SIRT2: variants seen among roughly 807,000 people sequenced by gnomAD.
SIRT2 encodes NAD-dependent protein deacetylase sirtuin-2.
A neutral mutation model predicts 57.4 loss-of-function variants in SIRT2; 40 were observed. The observed-to-expected ratio is 0.70, with a 90% CI of 0.54 to 0.91. SIRT2 has a LOEUF of 0.91. SIRT2 is among the 40% of genes least tolerant of loss of function. The pLI is 0.00. For synonymous variants in SIRT2, 161 were observed against 195.7 expected, an observed-to-expected ratio of 0.82 and a Z score of 1.48; for missense variants, 439 against 510.4, an observed-to-expected ratio of 0.86 and a Z score of 1.35.
At position 38,881,291 on chromosome 19, in the gene SIRT2, C is replaced by T; in HGVS notation, c.692-136G>A. Reference sequence around the variant, plus strand: ...ACCGGCCAGGGGCACAGACCCCATTCTCCCCAGGATGGATCTGGGGCACTG... The same window carrying T: ...ACCGGCCAGGGGCACAGACCCCATTTTCCCCAGGATGGATCTGGGGCACTG... On this transcript the variant is annotated intron_variant, in intron 10 of 15. Coordinates refer to ENST00000249396, the MANE Select transcript of SIRT2 (RefSeq NM_012237.4). 9.6e-6 allele frequency: 11 copies of T among 1,147,182 alleles called. No homozygotes were observed. In the South Asian group the frequency reaches 1.5e-4, roughly 16 times the overall value. The allele number at this position is 1,147,182 out of a possible 1,614,324, so 71.1% of individuals were successfully genotyped here. A position where few individuals can be genotyped will look rare whatever the true frequency, so the allele number is the denominator to read the frequency against.
chr19:38,883,176 G>A (rs1973212271), intron 9 of SIRT2, among the ~76,000 whole-genome samples: 1 of 151,016 alleles, frequency 6.6e-6, no homozygotes, highest in Non-Finnish European at 1.5e-5. Context: ...CGCCTCCCAG[G>A]TTCAAGCGAT....
At chr19:38,879,789 A>G in intron 13 of SIRT2, 87 bp from the exon 14 acceptor site, 1 of 922,928 alleles carries the variant, frequency 1.1e-6, no homozygotes, top group Non-Finnish European at 1.7e-6. Context: ...CTGGGTTTGT[A>G]TCCTAGCTCT....
intron 7 of SIRT2, chr19:38,889,456 C>A (rs953518551): frequency 3.0e-6 from 2 of 662,614 alleles, no homozygotes; most frequent in African/African-American, 1.8e-5. Flanking sequence ...CTAAGCCTCG[C>A]AGCAGCCCTC....
At position 38,878,656 on chromosome 19, in the gene SIRT2, C is replaced by A. The variant is rs1450236819; in HGVS notation, c.*499G>T. ...GTCCCACGTGAAGGGGGCCCACCAC[C>A]CACTTTGGGAGCTGAAGGCAGAGAC... On this transcript the variant is annotated 3_prime_UTR_variant, in exon 16 of 16. Transcript: ENST00000249396. 6.5e-6 allele frequency: 1 copy of A among 153,488 alleles called. No homozygotes were observed. The highest frequency in any genetic ancestry group is 1.4e-5 in the Non-Finnish European group (1 of 68,966). 9.5% of individuals were successfully genotyped at this position (153,488 alleles called of 1,614,324 possible).
In SIRT2 at chr19:38,884,599, C is replaced by A. The variant is rs553976071; in HGVS notation, c.502-843G>T. Among the ~76,000 whole-genome samples, 30 of 152,268 alleles carry A rather than the reference C, an allele frequency of 2.0e-4. No individual in the cohort carries two copies. In the South Asian group the frequency reaches 2.1e-3, roughly 11 times the overall value. On this transcript the variant is annotated intron_variant, in intron 8 of 15. Coordinates refer to ENST00000249396, the MANE Select transcript of SIRT2 (RefSeq NM_012237.4). ...AAGTAGCTGGGATTACAGGCACGCA[C>A]CACCATGACTGGCTAATTTTTGTAT...
intron 9 of SIRT2, among the ~76,000 whole-genome samples, chr19:38,882,619 G>A (rs1973190405): frequency 1.3e-5 from 2 of 149,184 alleles, no homozygotes; most frequent in Non-Finnish European, 3.0e-5. Flanking sequence ...CTGGGTGACA[G>A]AGCAAGACTC....
Position 38,880,742 on chromosome 19 carries a change from G to A in SIRT2, c.825-6C>T. The A allele has an allele frequency of 6.2e-7, 1 of 1,608,802 alleles. No individual in the cohort carries two copies. Among genetic ancestry groups the A allele is most frequent in the Non-Finnish European group, 8.5e-7 (1 of 1,176,134 alleles). ...GAGGGGTGGAGAGGGGTGCCCTGTG[G>A]GGAGGGGGAGCTAAGGGGTCAGGGT... is the stretch of plus-strand genomic sequence containing the variant. On this transcript the variant is annotated splice_polypyrimidine_tract_variant and splice_region_variant and intron_variant, in intron 12 of 15. Transcript: ENST00000249396. This position sits in a 1 kb window ranked among gnomAD's most constrained non-coding sequence, Gnocchi z 4.1.
Position 38,879,093 on chromosome 19 carries a change from AG to A in SIRT2, c.*61del. On this transcript the variant is annotated 3_prime_UTR_variant, in exon 16 of 16. Coordinates refer to ENST00000249396, the MANE Select transcript of SIRT2 (RefSeq NM_012237.4). ...AAGAACTGCTGGTTAAGAGGGGGCC[AG>A]GCCCGGTTGGGGCTCAGCTGTCCCT... 2.0e-6 allele frequency: 3 copies of A among 1,494,796 alleles called. No individual in the cohort carries two copies. In the South Asian group the frequency reaches 4.2e-5, roughly 21 times the overall value. The allele number at this position is 1,494,796 out of a possible 1,614,324, so 92.6% of individuals were successfully genotyped here. A position where few individuals can be genotyped will look rare whatever the true frequency, so the allele number is the denominator to read the frequency against.
chr19:38,898,426 C>A lies in SIRT2; in HGVS notation c.17-1G>T. 6.5e-7 allele frequency: 1 copy of A among 1,533,914 alleles called. No individual in the cohort carries two copies. The highest frequency in any genetic ancestry group is 1.2e-5 in the South Asian group (1 of 80,286). ...GCCTGGGTCTCCAGAGGGTGAGAGG[C>A]TGGGGGAGGGGAGCAGAGGTGGTTA... On this transcript the variant is annotated splice_acceptor_variant, in intron 1 of 15. Coordinates refer to ENST00000249396, the MANE Select transcript of SIRT2 (RefSeq NM_012237.4). LOFTEE classifies it high-confidence loss of function.
At position 38,879,431 on chromosome 19, in the gene SIRT2, C is replaced by T; in HGVS notation, c.1014+3G>A. ...GACAGGCTGGGGTTGCTCAGCTCCT[C>T]ACCTTCCATCCAAGGAGCTCAGCAA... On this transcript the variant is annotated splice_donor_region_variant and intron_variant, in intron 15 of 15. Transcript: ENST00000249396. 2 of 1,591,672 alleles carry T rather than the reference C, an allele frequency of 1.3e-6. No homozygotes were observed. Among genetic ancestry groups the T allele is most frequent in the Non-Finnish European group, 8.6e-7 (1 of 1,168,864 alleles).
intron 2 of SIRT2, among the ~76,000 whole-genome samples, chr19:38,897,535 T>G (rs1319400183): frequency 6.6e-6 from 1 of 152,132 alleles, no homozygotes; most frequent in Non-Finnish European, 1.5e-5. Flanking sequence ...TCCTTTTTTT[T>G]TTTTTGAGAC....
In SIRT2 at chr19:38,878,994, G is replaced by T. The variant is rs949744769; in HGVS notation, c.*161C>A. On this transcript the variant is annotated 3_prime_UTR_variant, in exon 16 of 16. Transcript: ENST00000249396. Reference sequence around the variant, plus strand: ...GTGTTAGAGATTTGCTGGGGTTGGGGGCCAGGGTTGCTGGGACCCCAGTTT... The same window carrying T: ...GTGTTAGAGATTTGCTGGGGTTGGGTGCCAGGGTTGCTGGGACCCCAGTTT... 5 of 676,088 alleles carry T rather than the reference G, an allele frequency of 7.4e-6. No individual in the cohort carries two copies. The African/African-American group carries it at 9.2e-5, about 12-fold the overall frequency. The allele number at this position is 676,088 out of a possible 1,614,324, so 41.9% of individuals were successfully genotyped here. A position where few individuals can be genotyped will look rare whatever the true frequency, so the allele number is the denominator to read the frequency against.
chr19:38,888,101 T>C, intron 8 of SIRT2, among the ~76,000 whole-genome samples: 1 of 152,104 alleles, frequency 6.6e-6, no homozygotes, highest in Non-Finnish European at 1.5e-5. Context: ...GAGCTTGAAT[T>C]AATACTGTTG....
At position 38,880,786 on chromosome 19, in the gene SIRT2, C is replaced by T; in HGVS notation, c.824+35G>A. ...TCAGGGTCTGTCCTGGCCCTGGGTG[C>T]CCAGCCGTCCTCCCAGCCACAGCCC... On this transcript the variant is annotated intron_variant, in intron 12 of 15. Coordinates refer to ENST00000249396, the MANE Select transcript of SIRT2 (RefSeq NM_012237.4). This position sits in a 1 kb window ranked among gnomAD's most constrained non-coding sequence, Gnocchi z 4.1. 1 of 1,611,946 alleles carries T rather than the reference C, an allele frequency of 6.2e-7. No individual in the cohort carries two copies. Among genetic ancestry groups the T allele is most frequent in the East Asian group, 2.2e-5 (1 of 44,874 alleles).
At chr19:38,889,357 G>A in intron 7 of SIRT2, 5 of 718,580 alleles carry the variant, frequency 7.0e-6, no homozygotes, top group Admixed American at 2.0e-5. Context: ...TGTTGCCAAA[G>A]TCACACGGTG....
intron 9 of SIRT2, among the ~76,000 whole-genome samples, chr19:38,881,928 A>G (rs1451171600): frequency 6.9e-6 from 1 of 144,250 alleles, no homozygotes; most frequent in African/African-American, 2.6e-5. Context: ...GCTCAAGCAA[A>G]TCTGCCCACT....
intron 8 of SIRT2, among the ~76,000 whole-genome samples, chr19:38,885,855 C>T (rs1011136984): frequency 1.3e-5 from 2 of 152,100 alleles, no homozygotes; most frequent in African/African-American, 4.8e-5. Context: ...TCCCAAAGTG[C>T]TGGGATTACA....
Position 38,880,905 on chromosome 19 carries a change from G to T in SIRT2, c.748-8C>A. 6.2e-7 allele frequency: 1 copy of T among 1,612,942 alleles called. No individual in the cohort carries two copies. Among genetic ancestry groups the T allele is most frequent in the South Asian group, 1.1e-5 (1 of 91,038 alleles). ...GTCCACCTTCAGGAAGTCCTGCGGG[G>T]AGGGGCGTGAGCTTGGGAGCCTCCG... On this transcript the variant is annotated splice_polypyrimidine_tract_variant and splice_region_variant and intron_variant, in intron 11 of 15. Coordinates refer to ENST00000249396, the MANE Select transcript of SIRT2 (RefSeq NM_012237.4). This position sits in a 1 kb window ranked among gnomAD's most constrained non-coding sequence, Gnocchi z 4.1.
intron 1 of SIRT2, chr19:38,898,712 T>C (rs1973816391): frequency 9.1e-6 from 3 of 328,732 alleles, no homozygotes; most frequent in Non-Finnish European, 1.7e-5. Flanking sequence ...CTTGAACTCC[T>C]GGGCTCAAGC....
Sources: gnomAD v4.1 joint callset for allele counts (sites outside exome capture counted in the v4.1 genomes callset) on GRCh38, gnomAD v4.1.1 for gene constraint, Gnocchi (gnomAD v3.1) non-coding constraint, MANE v1.5 for transcripts, NCBI Gene and HGNC (gene_info 2026-07-23, HGNC 2026-07-21) for gene names.